CCDC102B: variants seen among roughly 807,000 people sequenced by gnomAD.
CCDC102B encodes coiled-coil domain containing 102B, also known as coiled-coil domain-containing protein 102B.
In CCDC102B, 75 loss-of-function variants were observed where a neutral mutation model predicts 57.4. That is an observed-to-expected ratio of 1.31 (90% CI 1.08 to 1.58). The LOEUF is 1.58. Among genes scored for constraint, CCDC102B ranks in the 40% most tolerant of loss-of-function variants. The pLI is 0.00. For missense variants in CCDC102B, 636 were observed against 582.6 expected (o/e 1.09, Z -0.94); for synonymous variants, 206 against 201.9 (o/e 1.02, Z -0.17).
In CCDC102B at chr18:68,837,007, A is replaced by C. The variant is rs1401014243; in HGVS notation, c.244A>C (p.Lys82Gln). Residue 82 changes from lysine (K) to glutamine (Q), a missense_variant, in exon 2 of 8, where the codon AAG becomes CAG. Lys to Gln is a moderately conservative substitution (Grantham distance 53). Coordinates refer to ENST00000360242, the MANE Select transcript of CCDC102B (RefSeq NM_024781.3). ...TCGCCTGCGGGAGCTTGAAGAAGTC[A>C]AGGCCAGAGCTGCTCAGATGGAAAA... ...ELRLRELEEVKARAAQMEKTM... is the reference protein window; with the variant it reads ...ELRLRELEEVQARAAQMEKTM... 8 of 1,614,156 alleles carry C rather than the reference A, an allele frequency of 5.0e-6. No individual in the cohort carries two copies. The highest frequency in any genetic ancestry group is 6.8e-6 in the Non-Finnish European group (8 of 1,180,036).
chr18:68,965,912 C>A (rs908538831), intron 6 of CCDC102B, among the ~76,000 whole-genome samples: 1 of 151,966 alleles, frequency 6.6e-6, no homozygotes, highest in Non-Finnish European at 1.5e-5. Context: ...GGTAAAAGTC[C>A]AAATTCTCCA....
Position 68,745,950 on chromosome 18 carries a change from TG to T in CCDC102B, c.-67+29362del, listed in dbSNP as rs548286409. The stretch of plus-strand genomic sequence containing the variant: ...ATTACATTCAGAACTCAGGTGGGGA[TG>T]GGGGGTACCATTTATTGGGCTTCCT... On this transcript the variant is annotated intron_variant, in intron 2 of 3. Transcript: ENST00000578970. 7.2e-5 allele frequency among the ~76,000 whole-genome samples: 11 copies of T among 152,234 alleles called. No homozygotes were observed. In the South Asian group the frequency reaches 2.3e-3, roughly 32 times the overall value.
chr18:68,805,031 G>A (rs530680534), intron 1 of CCDC102B, among the ~76,000 whole-genome samples: 3 of 152,186 alleles, frequency 2.0e-5, no homozygotes, highest in African/African-American at 7.2e-5. Flanking sequence ...CAAATGGGAA[G>A]TTTGGTGTTA....
In CCDC102B at chr18:69,054,219, T is replaced by C. The variant is rs1356359592; in HGVS notation, c.*82T>C. The C allele has an allele frequency of 7.0e-7, 1 of 1,420,410 alleles. No individual in the cohort carries two copies. Among genetic ancestry groups the C allele is most frequent in the Admixed American group, 2.9e-5 (1 of 34,926 alleles). 88.0% of individuals were successfully genotyped at this position (1,420,410 alleles called of 1,614,324 possible). A position where few individuals can be genotyped will look rare whatever the true frequency, so the allele number is the denominator to read the frequency against. ...CTTTTCTTAAATATCAGTAAAATTG[T>C]TTTTATTAACTAGAAATATTAATGA... On this transcript the variant is annotated 3_prime_UTR_variant, in exon 8 of 8. Coordinates refer to ENST00000360242, the MANE Select transcript of CCDC102B (RefSeq NM_024781.3).
chr18:68,762,541 T>C (rs1417347870), intron 2 of CCDC102B, among the ~76,000 whole-genome samples: 1 of 152,148 alleles, frequency 6.6e-6, no homozygotes, highest in East Asian at 1.9e-4. Flanking sequence ...TTTTTCTTAA[T>C]GATGGCCTTA....
intron 6 of CCDC102B, among the ~76,000 whole-genome samples, chr18:68,916,494 C>G (rs978873195): frequency 6.6e-6 from 1 of 152,054 alleles, no homozygotes; most frequent in Non-Finnish European, 1.5e-5. Context: ...TCTCTTTTTT[C>G]CAGCATCTAA....
intron 6 of CCDC102B, among the ~76,000 whole-genome samples, chr18:68,947,363 T>C (rs2049569131): frequency 6.6e-6 from 1 of 152,110 alleles, no homozygotes. Context: ...ATTTGCAATA[T>C]TCCCAGTACT....
intron 5 of CCDC102B, among the ~76,000 whole-genome samples, chr18:68,883,574 C>T (rs916901157): frequency 2.0e-5 from 3 of 152,120 alleles, no homozygotes; most frequent in Non-Finnish European, 4.4e-5. Context: ...TTACACTTTT[C>T]CTACTGTAGA....
At position 68,835,920 on chromosome 18, in the gene CCDC102B, A is replaced by G. The variant is rs532115127; in HGVS notation, c.-15-829A>G. ...ATCCCAGCCGCCAGAGCCAGACCCT[A>G]TGGCTGCCTTGAGACTAGTCAATAG... On this transcript the variant is annotated intron_variant, in intron 1 of 7. Transcript: ENST00000360242. 3.9e-5 allele frequency among the ~76,000 whole-genome samples: 6 copies of G among 152,254 alleles called. No homozygotes were observed. The East Asian group carries it at 9.7e-4, about 25-fold the overall frequency.
intron 6 of CCDC102B, among the ~76,000 whole-genome samples, chr18:68,935,789 G>T (rs2049219442): frequency 6.6e-6 from 1 of 151,808 alleles, no homozygotes; most frequent in Admixed American, 6.6e-5. Flanking sequence ...AGTAAGATGT[G>T]CAAGTGCAGC....
intron 7 of CCDC102B, among the ~76,000 whole-genome samples, chr18:69,037,302 A>C (rs1196272070): frequency 6.6e-6 from 1 of 152,008 alleles, no homozygotes; most frequent in Admixed American, 6.6e-5. Flanking sequence ...CATGTATATC[A>C]CATTTAGAAT....
chr18:68,912,086 C>G (rs1046843896), intron 6 of CCDC102B, among the ~76,000 whole-genome samples: 2 of 152,068 alleles, frequency 1.3e-5, no homozygotes, highest in Non-Finnish European at 2.9e-5. Flanking sequence ...ATGCTCAAAA[C>G]AGTACATTTG....
chr18:68,765,373 G>GAAAGAAAGA (rs2034427254), intron 2 of CCDC102B, among the ~76,000 whole-genome samples: 2 of 119,786 alleles, frequency 1.7e-5, no homozygotes, highest in African/African-American at 6.4e-5. Flanking sequence ...AAGAAAGAAA[G>GAAAGAAAGA]AAAGAAAAGA....
At chr18:68,832,465 C>A (rs1242042553) in intron 1 of CCDC102B, among the ~76,000 whole-genome samples, 1 of 152,076 alleles carries the variant, frequency 6.6e-6, no homozygotes, top group African/African-American at 2.4e-5. Flanking sequence ...AGCAGGTCAG[C>A]GGTGGATATT....
chr18:69,003,557 G>A (rs2051261649), intron 6 of CCDC102B, among the ~76,000 whole-genome samples: 1 of 152,182 alleles, frequency 6.6e-6, no homozygotes, highest in Non-Finnish European at 1.5e-5. Flanking sequence ...CCCCATCCCT[G>A]ATTGCATTTG....
chr18:69,006,331 A>G (rs779406815), intron 6 of CCDC102B, among the ~76,000 whole-genome samples: 2 of 152,190 alleles, frequency 1.3e-5, no homozygotes, highest in Non-Finnish European at 2.9e-5. Flanking sequence ...GGAGATTCCC[A>G]TCACTTTTCT....
intron 4 of CCDC102B, among the ~76,000 whole-genome samples, chr18:68,855,334 T>C (rs73460081): frequency 0.15 from 22,357 of 152,088 alleles, 1,905 homozygotes; most frequent in South Asian, 0.26. Context: ...GCTCTTGTTA[T>C]GTTTTGGATC....
chr18:68,747,075 G>A (rs1019497459), intron 2 of CCDC102B, among the ~76,000 whole-genome samples: 11 of 151,930 alleles, frequency 7.2e-5, no homozygotes. Flanking sequence ...TCATTTCTTG[G>A]TGTTGGGAAT....
At chr18:68,862,309 G>A (rs2038796324) in intron 4 of CCDC102B, among the ~76,000 whole-genome samples, 1 of 152,104 alleles carries the variant, frequency 6.6e-6, no homozygotes, top group East Asian at 1.9e-4. Context: ...GTGACTCTGT[G>A]GACAAAAATC....
Sources: allele counts gnomAD v4.1 joint callset (sites outside exome capture counted in the v4.1 genomes callset), GRCh38; gene constraint gnomAD v4.1.1; transcripts MANE v1.5; gene names NCBI Gene and HGNC (gene_info 2026-07-23, HGNC 2026-07-21).